The following IRF7 variants were observed in gnomAD, a reference collection of about 807,000 sequenced individuals.
IRF7 encodes interferon regulatory factor 7, also known as interferon regulatory factor-7H.
In IRF7, 67 loss-of-function variants were observed where a neutral mutation model predicts 51.3. The ratio of observed to expected loss-of-function variants is 1.31; its 90% confidence interval spans 1.07 to 1.60. IRF7 has a LOEUF of 1.60. IRF7 is among the 40% of genes most tolerant of loss of function. The pLI is 0.00. For missense variants in IRF7, 873 were observed against 701.5 expected (o/e 1.24, Z -2.76); for synonymous variants, 427 against 301.3 (o/e 1.42, Z -4.32).
chr11:614,248 C>A lies in IRF7; in HGVS notation c.605G>T (p.Gly202Val). Residue 202 changes from glycine to valine, a missense_variant, in exon 6 of 11, where the codon GGG becomes GTG. Gly to Val is a moderately radical substitution (Grantham distance 109). Transcript: ENST00000525445. ...LADHLLTASW[G>V]ADPVPTKAPG... ...AGCCTTGGTTGGGACTGGATCTGCCCCCCATGACGCTGTCAGCAGATGGTC... is the reference window on the plus strand; with the variant it reads ...AGCCTTGGTTGGGACTGGATCTGCCACCCATGACGCTGTCAGCAGATGGTC... 6.2e-7 allele frequency: 1 copy of A among 1,612,834 alleles called. No homozygotes were observed. The highest frequency in any genetic ancestry group is 8.5e-7 in the Non-Finnish European group (1 of 1,179,836).
Position 615,108 on chromosome 11 carries a change from G to A in IRF7, c.172C>T (p.Arg58Cys). Residue 58 changes from arginine to cysteine, a missense_variant, in exon 3 of 11, where the codon CGC becomes TGC. By Grantham distance (180) the Arg-to-Cys change is radical. Transcript: ENST00000525445. ...ARKDLSEADA[R>C]IFKAWAVARG... ...GCTGGGGTCCCCACCTTGAAGATGC[G>A]CGCGTCGGCCTCGCTCAGGTCCTTG... 1 of 1,591,824 alleles carries A rather than the reference G, an allele frequency of 6.3e-7. No individual in the cohort carries two copies. The highest frequency in any genetic ancestry group is 1.7e-4 in the Middle Eastern group (1 of 6,002).
chr11:612,973 T>C, intron 10 of IRF7, 26 bp downstream of exon 10: 1 of 1,608,754 alleles, frequency 6.2e-7, no homozygotes, highest in South Asian at 1.1e-5. Context: ...GCACATGGCC[T>C]CCCCTCCTTG....
In IRF7 at chr11:612,697, C is replaced by T. The variant is rs747938001; in HGVS notation, c.1460G>A (p.Ser487Asn). The T allele has an allele frequency of 1.9e-6, 3 of 1,613,168 alleles. No homozygotes were observed. The highest frequency in any genetic ancestry group is 1.3e-5 in the African/African-American group (1 of 75,052). The change falls in exon 11 of 11, where the codon AGC becomes AAC. Residue 487 changes from serine (S) to asparagine (N), a missense_variant. By Grantham distance (46) the Ser-to-Asn change is conservative. Coordinates refer to ENST00000525445, the MANE Select transcript of IRF7 (RefSeq NM_001572.5). ...GAAGCACTCGATGTCGTCATAGAGG[C>T]TGTTGGCGCTGGACAGGCAGAGGCT... is the stretch of plus-strand genomic sequence containing the variant. Reference protein sequence around the residue: ...SLSLCLSSANSLYDDIECFLM... With the variant: ...SLSLCLSSANNLYDDIECFLM...
chr11:615,251 G>A lies in IRF7; in HGVS notation c.29C>T (p.Pro10Leu), dbSNP rs375150065. Reference protein sequence around the residue: MALAPERAAPRVLFGEWLLG... With the variant: MALAPERAALRVLFGEWLLG... ...GAGCCACTCTCCGAACAGCACGCGT[G>A]GGGCTGCCCTGCGGGTGCCCGGCCG... The change falls in exon 3 of 11, where the codon CCA (proline) becomes CTA (leucine). Residue 10 changes from proline to leucine, a missense_variant. Coordinates refer to ENST00000525445, the MANE Select transcript of IRF7 (RefSeq NM_001572.5). 6.3e-7 allele frequency: 1 copy of A among 1,583,058 alleles called. No individual in the cohort carries two copies. The highest frequency in any genetic ancestry group is 8.6e-7 in the Non-Finnish European group (1 of 1,169,372).
chr11:615,007 C>A lies in IRF7; in HGVS notation c.184G>T (p.Ala62Ser). ...CACCTGCCGCGGGCCACAGCCCAGG[C>A]CTGAAGAGGGGGACAGAACACGTGT... ...LSEADARIFK[A>S]WAVARGRWPP... Residue 62 changes from alanine (A) to serine (S), a missense_variant and splice_region_variant, in exon 4 of 11, where the codon GCC becomes TCC. Physicochemically the swap from Ala to Ser is moderately conservative, Grantham distance 99. Coordinates refer to ENST00000525445, the MANE Select transcript of IRF7 (RefSeq NM_001572.5). The A allele has an allele frequency of 1.2e-5, 18 of 1,549,222 alleles. No homozygotes were observed. The highest frequency in any genetic ancestry group is 1.6e-5 in the Non-Finnish European group (18 of 1,152,764).
chr11:613,740 C>A, intron 8 of IRF7, 45 bp downstream of exon 8: 4 of 703,242 alleles, frequency 5.7e-6, no homozygotes, highest in Non-Finnish European at 5.5e-6. Context: ...CCGTGAGTGA[C>A]GGGGGTGGGC....
chr11:614,027 G>A lies in IRF7; in HGVS notation c.690C>T (p.Leu230=). 6.2e-7 allele frequency: 1 copy of A among 1,608,276 alleles called. No homozygotes were observed. ...LTGACAGGPG[L]PAGELYGWAV... is the part of the protein sequence containing the mutation. ...CCCACCCGTACAGCTCCCCAGCAGG[G>A]AGCCCTGGGCCTGAGGAGGGGAGGA... The change falls in exon 7 of 11, where the codon CTC becomes CTT. Residue 230 remains leucine (L), a synonymous_variant. Coordinates refer to ENST00000525445, the MANE Select transcript of IRF7 (RefSeq NM_001572.5).
In IRF7 at chr11:614,407, GA is replaced by G; in HGVS notation, c.454-9del. 6.3e-7 allele frequency: 1 copy of G among 1,596,834 alleles called. No homozygotes were observed. On this transcript the variant is annotated splice_polypyrimidine_tract_variant and intron_variant, in intron 5 of 10. Transcript: ENST00000525445. ...TGGCCCTGGGGGCCCACCCTGCAGGGAAAAGTCAGGGTGAACGTAAGCAGCT... is the reference window on the plus strand; with the variant it reads ...TGGCCCTGGGGGCCCACCCTGCAGGGAAAGTCAGGGTGAACGTAAGCAGCT...
At chr11:613,675 TGAGTGACGGGGGTGGGCGGGGAC>T (rs1856597410) in intron 8 of IRF7, 80 bp from the exon 9 acceptor site, 1 of 490,144 alleles carries the variant, frequency 2.0e-6, no homozygotes, top group Non-Finnish European at 2.7e-6. Flanking sequence ...GGACAGGATG[TGAGTGACGGGGGTGGGCGGGGAC>T]AGGATGTGAG....
Position 614,922 on chromosome 11 carries a change from C to G in IRF7, c.269G>C (p.Gly90Ala). Residue 90 changes from glycine (G) to alanine (A), a missense_variant, in exon 4 of 11, where the codon GGC becomes GCC. Coordinates refer to ENST00000525445, the MANE Select transcript of IRF7 (RefSeq NM_001572.5). Reference protein sequence around the residue: ...PPEAETAERAGWKTNFRCALR... With the variant: ...PPEAETAERAAWKTNFRCALR... ...TGCGCAGCGGAAGTTGGTTTTCCAG[C>G]CGGCGCGCTCCGCAGTCTCAGCCTC... 1 of 1,582,918 alleles carries G rather than the reference C, an allele frequency of 6.3e-7. No homozygotes were observed. The highest frequency in any genetic ancestry group is 1.1e-5 in the South Asian group (1 of 87,606).
In IRF7 at chr11:613,956, G is replaced by A. The variant is rs571836045; in HGVS notation, c.761C>T (p.Thr254Met). 4.4e-6 allele frequency: 7 copies of A among 1,606,418 alleles called. No homozygotes were observed. The highest frequency in any genetic ancestry group is 1.7e-4 in the Middle Eastern group (1 of 6,026). Residue 254 changes from threonine to methionine, a missense_variant, in exon 7 of 11, where the codon ACG becomes ATG. Thr to Met is a moderately conservative substitution (Grantham distance 81). Transcript: ENST00000525445. Reference protein sequence around the residue: ...PSPGPQPAALTTGEAAAPESP... With the variant: ...PSPGPQPAALMTGEAAAPESP... ...CCAACCCCTACCCCTCTCACCTGTCGTTAGTGCCGCGGGCTGGGGCCCGGG... is the reference window on the plus strand; with the variant it reads ...CCAACCCCTACCCCTCTCACCTGTCATTAGTGCCGCGGGCTGGGGCCCGGG...
rs1217234997 is a variant in IRF7 at position 615,042 on chromosome 11, G to A, written c.184-35C>T. ...GGGACAGAACACGTGTGCCGGGCCC[G>A]CGGGGTCCTAGGCGGGCTCTCCCAC... On this transcript the variant is annotated intron_variant, in intron 3 of 10. Transcript: ENST00000525445. 22 of 1,548,436 alleles carry A rather than the reference G, an allele frequency of 1.4e-5. No homozygotes were observed. In the Admixed American group the frequency reaches 1.9e-4, roughly 13 times the overall value.
chr11:613,652 CGGGGGTGGGCGGGGACAGGATGT>C, intron 8 of IRF7, 57 bp from the exon 9 acceptor site: 1 of 217,182 alleles, frequency 4.6e-6, no homozygotes, highest in African/African-American at 9.9e-5. Context: ...CTGTGAGTGA[CGGGGGTGGGCGGGGACAGGATGT>C]GAGTGACGGG....
Position 613,855 on chromosome 11 carries a change from C to T in IRF7, c.777G>A (p.Ala259=), listed in dbSNP as rs772936228. ...CTGCCTGGTGCGGGGACTCTGGGGC[C>T]GCGGCCTCGCCTGCATCCGGAAGGG... ...QPAALTTGEA[A]APESPHQAEP... is the part of the protein sequence containing the mutation. The change falls in exon 8 of 11, where the codon GCG becomes GCA. Residue 259 remains alanine (A), a synonymous_variant. Coordinates refer to ENST00000525445, the MANE Select transcript of IRF7 (RefSeq NM_001572.5). The T allele has an allele frequency of 3.1e-6, 5 of 1,598,270 alleles. No individual in the cohort carries two copies. The highest frequency in any genetic ancestry group is 2.2e-5 in the South Asian group (2 of 88,950).
rs763751440 is a variant in IRF7, at chr11:615,277, C to T, written c.21-18G>A. 7 of 1,580,234 alleles carry T rather than the reference C, an allele frequency of 4.4e-6. No individual in the cohort carries two copies. In the South Asian group the frequency reaches 5.6e-5, roughly 13 times the overall value. ...GGGCTGCCCTGCGGGTGCCCGGCCG[C>T]GGAGAGTCAGGGCCGGCTGCAGGGC... On this transcript the variant is annotated intron_variant, in intron 2 of 10. Coordinates refer to ENST00000525445, the MANE Select transcript of IRF7 (RefSeq NM_001572.5).
chr11:614,868 A>G lies in IRF7; in HGVS notation c.323T>C (p.Leu108Pro), dbSNP rs1286419696. ...GGCCGGGTCCCCCGAGTTATCCCGC[A>G]GCATCACGAAGCGACGCGTGCTGCG... ...ALRSTRRFVM[L>P]RDNSGDPADP... Residue 108 changes from leucine to proline, a missense_variant, in exon 4 of 11, where the codon CTG (leucine) becomes CCG (proline). Coordinates refer to ENST00000525445, the MANE Select transcript of IRF7 (RefSeq NM_001572.5). 7 of 1,576,112 alleles carry G rather than the reference A, an allele frequency of 4.4e-6. No homozygotes were observed. The highest frequency in any genetic ancestry group is 6.0e-6 in the Non-Finnish European group (7 of 1,162,854).
Position 613,340 on chromosome 11 carries a change from G to A in IRF7, c.1103C>T (p.Ala368Val), listed in dbSNP as rs762128931. ...HLELRGPQLW[A>V]RRMGKCKVYW... ...CACCTTGCACTTGCCCATGCGCCGG[G>A]CCCACAGCTGTGGCCCCCGAAGCTC... Residue 368 changes from alanine (A) to valine (V), a missense_variant, in exon 9 of 11, where the codon GCC (alanine) becomes GTC (valine). Transcript: ENST00000525445. 6 of 1,611,644 alleles carry A rather than the reference G, an allele frequency of 3.7e-6. No individual in the cohort carries two copies. Among genetic ancestry groups the A allele is most frequent in the Non-Finnish European group, 5.1e-6 (6 of 1,179,568 alleles).
rs1856678356 is a variant in IRF7, at chr11:614,259, T to C, written c.594A>G (p.Thr198=). The C allele has an allele frequency of 6.2e-7, 1 of 1,612,722 alleles. No homozygotes were observed. ...QQSCLADHLL[T]ASWGADPVPT... ...GGACTGGATCTGCCCCCCATGACGC[T>C]GTCAGCAGATGGTCTGCCAGGCAGC... Residue 198 remains threonine (T), a synonymous_variant, in exon 6 of 11, where the codon ACA becomes ACG. Transcript: ENST00000525445.
At chr11:614,647 A>AG (rs1186385193) in intron 4 of IRF7, 113 bp from the exon 5 acceptor site, 7 of 1,419,394 alleles carry the variant, frequency 4.9e-6, no homozygotes, top group Non-Finnish European at 5.7e-6. Flanking sequence ...CTGTGGCCTG[A>AG]GGAGGTGGGG....
Sources: gnomAD v4.1 joint callset for allele counts on GRCh38, gnomAD v4.1.1 for gene constraint, MANE v1.5 for transcripts, NCBI Gene and HGNC (gene_info 2026-07-23, HGNC 2026-07-21) for gene names.